Variants in CCDC146 observed in about 807,000 individuals in gnomAD.
CCDC146 encodes coiled-coil domain containing 146.
Under a neutral mutation model 119.3 loss-of-function variants are expected in CCDC146, and 92 were observed. The observed-to-expected ratio is 0.77, with a 90% CI of 0.65 to 0.92. The LOEUF is 0.92. CCDC146 is among the 40% of genes least tolerant of loss of function. The probability of loss-of-function intolerance (pLI) is 0.00; values close to 1 mark genes in which losing one functional copy is unlikely to be tolerated. For missense variants in CCDC146, 1,000 were observed against 1,103.0 expected (o/e 0.91, Z 1.32); for synonymous variants, 372 against 371.8 (o/e 1.00, Z -0.01).
chr7:77,231,868 G>A (rs1036551897), intron 2 of CCDC146, among the ~76,000 whole-genome samples: 11 of 150,786 alleles, frequency 7.3e-5, no homozygotes, highest in Non-Finnish European at 1.5e-4. Flanking sequence ...TCACTATATG[G>A]GATGGGGGTC....
chr7:77,242,318 G>A (rs1792865655), intron 4 of CCDC146: 2 of 938,298 alleles, frequency 2.1e-6, no homozygotes, highest in South Asian at 4.3e-5. Context: ...TCCATGAGCT[G>A]AGGGTCACAT....
intron 17 of CCDC146, among the ~76,000 whole-genome samples, chr7:77,289,582 T>C (rs564683735): frequency 1.3e-5 from 2 of 152,352 alleles, no homozygotes; most frequent in African/African-American, 4.8e-5. Flanking sequence ...AGTTTGCTCA[T>C]CTGTGTAATG....
intron 17 of CCDC146, among the ~76,000 whole-genome samples, chr7:77,292,483 G>A (rs1793965898): frequency 6.6e-6 from 1 of 151,582 alleles, no homozygotes; most frequent in Non-Finnish European, 1.5e-5. Flanking sequence ...CGGGTATGGT[G>A]TTGGGCACTT....
chr7:77,235,891 G>T (rs1792725618), intron 2 of CCDC146, among the ~76,000 whole-genome samples: 1 of 152,076 alleles, frequency 6.6e-6, no homozygotes, highest in Non-Finnish European at 1.5e-5. Flanking sequence ...CTAACATGGT[G>T]AACCCCCATC....
At chr7:77,201,754 T>G (rs1388300841) in intron 2 of CCDC146, among the ~76,000 whole-genome samples, 1 of 152,192 alleles carries the variant, frequency 6.6e-6, no homozygotes, top group Non-Finnish European at 1.5e-5. Flanking sequence ...ATATCCAATT[T>G]TAGACAAAAA....
intron 15 of CCDC146, among the ~76,000 whole-genome samples, chr7:77,285,570 A>G (rs1354401551): frequency 6.6e-6 from 1 of 152,190 alleles, no homozygotes; most frequent in Non-Finnish European, 1.5e-5. Flanking sequence ...CATGGCACTG[A>G]GCCTTTTCTT....
At position 77,259,188 on chromosome 7, in the gene CCDC146, T is replaced by C. The variant is rs1455027808; in HGVS notation, c.758+120T>C. 1.3e-5 allele frequency: 8 copies of C among 609,606 alleles called. No individual in the cohort carries two copies. The East Asian group carries it at 2.1e-4, about 16-fold the overall frequency. 37.8% of individuals were successfully genotyped at this position (609,606 alleles called of 1,614,324 possible). A position where few individuals can be genotyped will look rare whatever the true frequency, so the allele number is the denominator to read the frequency against. ...TATGATAATTTTAGAAATTTCTGCT[T>C]TGGGCCCTGTCTAGGTTGTTTATAT... On this transcript the variant is annotated intron_variant, in intron 7 of 18. Coordinates refer to ENST00000285871, the MANE Select transcript of CCDC146 (RefSeq NM_020879.3).
At chr7:77,229,621 T>G (rs184585364) in intron 2 of CCDC146, among the ~76,000 whole-genome samples, 9 of 152,314 alleles carry the variant, frequency 5.9e-5, no homozygotes, top group Admixed American at 5.2e-4. Context: ...AAAGATCAGA[T>G]AGTTGTAGGT....
In CCDC146 at chr7:77,260,100, G is replaced by A. The variant is rs1467865257; in HGVS notation, c.850G>A (p.Val284Met). ...KKVENKVSAI[V>M]DEKENVIKEV... is the part of the protein sequence containing the mutation. ...AGTTGAAAACAAGGTTAGTGCTATAGTGGATGAGAAGGAAAATGTAATAAA... is the reference window on the plus strand; with the variant it reads ...AGTTGAAAACAAGGTTAGTGCTATAATGGATGAGAAGGAAAATGTAATAAA... The change falls in exon 8 of 19, where the codon GTG (valine) becomes ATG (methionine). Residue 284 changes from valine to methionine, a missense_variant. This residue lies in a region of CCDC146 where 985 missense variants were observed against 1,045.3 expected (regional missense o/e 0.94). Coordinates refer to ENST00000285871, the MANE Select transcript of CCDC146 (RefSeq NM_020879.3). 1 of 1,613,970 alleles carries A rather than the reference G, an allele frequency of 6.2e-7. No homozygotes were observed.
intron 2 of CCDC146, among the ~76,000 whole-genome samples, chr7:77,234,235 G>T (rs1238566642): frequency 3.7e-5 from 5 of 134,768 alleles, no homozygotes; most frequent in Admixed American, 2.3e-4. Flanking sequence ...TCCTTTAAGT[G>T]TGTCCATTTG....
chr7:77,291,706 TCAAAA>T (rs1562864754), intron 17 of CCDC146, among the ~76,000 whole-genome samples: 2 of 152,134 alleles, frequency 1.3e-5, no homozygotes, highest in Admixed American at 6.5e-5. Context: ...AGACCCTGTC[TCAAAA>T]CAAACGAACA....
chr7:77,148,372 C>T (rs1177240642), intron 1 of CCDC146, among the ~76,000 whole-genome samples: 1 of 152,130 alleles, frequency 6.6e-6, no homozygotes, highest in Non-Finnish European at 1.5e-5. Context: ...TGAGGCGATG[C>T]CTCACCCTGC....
rs1248723308 is a variant in CCDC146, at chr7:77,260,028, A to G, written c.778A>G (p.Ile260Val). The G allele has an allele frequency of 6.2e-7, 1 of 1,610,628 alleles. No individual in the cohort carries two copies. The change falls in exon 8 of 19, where the codon ATT becomes GTT. Residue 260 changes from isoleucine (I) to valine (V), a missense_variant. Around this residue, in one of 2 missense-constraint regions of CCDC146, gnomAD observed 985 missense variants for 1,045.3 expected, o/e 0.94. Coordinates refer to ENST00000285871, the MANE Select transcript of CCDC146 (RefSeq NM_020879.3). ...CTACAGAGAAATGGAAAAGAAAAAAATTGTCTTGGAACAAGAAGTCAAAAC... is the reference window on the plus strand; with the variant it reads ...CTACAGAGAAATGGAAAAGAAAAAAGTTGTCTTGGAACAAGAAGTCAAAAC... The part of the protein sequence containing the change: ...RKKVEMEKKK[I>V]VLEQEVKTLN...
intron 2 of CCDC146, among the ~76,000 whole-genome samples, chr7:77,236,291 T>C (rs956607840): frequency 2.6e-5 from 4 of 152,212 alleles, no homozygotes; most frequent in African/African-American, 9.6e-5. Flanking sequence ...TCAAAAGTCA[T>C]TTTAACTAGA....
In CCDC146 at chr7:77,278,947, T is replaced by A; in HGVS notation, c.1540T>A (p.Phe514Ile). 6.2e-7 allele frequency: 1 copy of A among 1,607,604 alleles called. No homozygotes were observed. The highest frequency in any genetic ancestry group is 1.1e-5 in the South Asian group (1 of 89,314). ...TTTGTATTTTTACAGACTGAGAGAGTTTGCTAAACTGTATGACACCATTCG... is the reference window on the plus strand; with the variant it reads ...TTTGTATTTTTACAGACTGAGAGAGATTGCTAAACTGTATGACACCATTCG... ...KCEIYRRLRE[F>I]AKLYDTIRNE... The change falls in exon 13 of 19, where the codon TTT becomes ATT. Residue 514 changes from phenylalanine (F) to isoleucine (I), a missense_variant. Around this residue, in one of 2 missense-constraint regions of CCDC146, gnomAD observed 985 missense variants for 1,045.3 expected, o/e 0.94. Coordinates refer to ENST00000285871, the MANE Select transcript of CCDC146 (RefSeq NM_020879.3).
chr7:77,266,310 G>A (rs963768196), intron 9 of CCDC146, among the ~76,000 whole-genome samples: 2 of 152,068 alleles, frequency 1.3e-5, no homozygotes, highest in Non-Finnish European at 2.9e-5. Context: ...AAGTGGTTCT[G>A]CATTTTTCTC....
chr7:77,261,989 AGTTCT>A, intron 8 of CCDC146, 127 bp from the exon 9 acceptor site: 1 of 663,220 alleles, frequency 1.5e-6, no homozygotes, highest in South Asian at 2.1e-5. Flanking sequence ...GTCAAACGGT[AGTTCT>A]GTTTTTAGGT....
chr7:77,214,198 A>G (rs1300063738), intron 2 of CCDC146, among the ~76,000 whole-genome samples: 2 of 152,008 alleles, frequency 1.3e-5, no homozygotes, highest in Non-Finnish European at 2.9e-5. Flanking sequence ...TTTCATTTGC[A>G]TTTATCTGAT....
intron 13 of CCDC146, among the ~76,000 whole-genome samples, chr7:77,279,706 C>T (rs2059012214): frequency 6.6e-6 from 1 of 152,160 alleles, no homozygotes; most frequent in South Asian, 2.1e-4. Flanking sequence ...CTTATCCATA[C>T]CATATTTCAT....
Sources: allele counts gnomAD v4.1 joint callset (sites outside exome capture counted in the v4.1 genomes callset), GRCh38; gene constraint gnomAD v4.1.1; regional missense constraint gnomAD v4.1.1; transcripts MANE v1.5; gene names NCBI Gene and HGNC (gene_info 2026-07-23, HGNC 2026-07-21).